The following ZNF641 variants were observed in gnomAD, a reference collection of about 807,000 sequenced individuals.
ZNF641 encodes the protein zinc finger protein 641.
Under a neutral mutation model 46.2 loss-of-function variants are expected in ZNF641, and 26 were observed. The ratio of observed to expected loss-of-function variants is 0.56; its 90% CI spans 0.41 to 0.78. The LOEUF (loss-of-function observed/expected upper bound fraction) is 0.78, where lower values mean the gene tolerates loss of function less well. Among genes scored for constraint, ZNF641 ranks in the 30% least tolerant of loss-of-function variants. The probability of loss-of-function intolerance (pLI) is 0.00; values close to 1 mark genes in which losing one functional copy is unlikely to be tolerated. For synonymous variants in ZNF641, 163 were observed against 187.9 expected (o/e 0.87, Z 1.09); for missense variants, 469 against 517.8 (o/e 0.91, Z 0.91).
Position 48,348,265 on chromosome 12 carries a change from G to C in ZNF641, c.-25-150C>G. 8.8e-6 allele frequency: 7 copies of C among 792,714 alleles called. No individual in the cohort carries two copies. The South Asian group carries it at 1.3e-4, about 14-fold the overall frequency. The allele number at this position is 792,714 out of a possible 1,614,324, so 49.1% of individuals were successfully genotyped here. A position where few individuals can be genotyped will look rare whatever the true frequency, so the allele number is the denominator to read the frequency against. On this transcript the variant is annotated intron_variant, in intron 1 of 5. Transcript: ENST00000547026. ...GAACTTTAAAAGCTTGATGTGTTCC[G>C]ATCAACGGAGCCTGCACCAAGCTTC...
rs1445303908 is a variant in ZNF641 at position 48,343,376 on chromosome 12, T to C, written c.872A>G (p.His291Arg). The change falls in exon 6 of 6, where the codon CAT becomes CGT. Residue 291 changes from histidine (H) to arginine (R), a missense_variant. By Grantham distance (29) the His-to-Arg change is conservative (BLOSUM62 0). This residue lies in a region of ZNF641 where 346 missense variants were observed against 354.0 expected (regional missense o/e 0.98). Transcript: ENST00000547026. ...LKCEKTFGRR[H>R]HLIRHQKTHL... ...GGTTTTCTGGTGCCTGATGAGGTGA[T>C]GTCTTCGCCCAAAGGTCTTCTCACA... The C allele has an allele frequency of 6.2e-7, 1 of 1,614,096 alleles. No individual in the cohort carries two copies. Among genetic ancestry groups the C allele is most frequent in the African/African-American group, 1.3e-5 (1 of 74,940 alleles).
intron 1 of ZNF641, among the ~76,000 whole-genome samples, chr12:48,348,972 G>A (rs148388601): frequency 3.3e-5 from 5 of 152,314 alleles, no homozygotes; most frequent in South Asian, 4.1e-4. Context: ...TGAAAGAAGC[G>A]TATGGTGAAG....
At position 48,338,660 on chromosome 12, in the gene ZNF641, T is replaced by A. The variant is rs1315489253; in HGVS notation, c.*4313A>T. The A allele has an allele frequency of 6.6e-6, 1 of 152,258 alleles. No homozygotes were observed. Among genetic ancestry groups the A allele is most frequent in the Non-Finnish European group, 1.5e-5 (1 of 68,074 alleles). The allele number at this position is 152,258 out of a possible 1,614,324, so 9.4% of individuals were successfully genotyped here. A position where few individuals can be genotyped will look rare whatever the true frequency, so the allele number is the denominator to read the frequency against. On this transcript the variant is annotated 3_prime_UTR_variant, in exon 6 of 6. Transcript: ENST00000547026. ...CACCATGGCTTCATTGGTTACAACC[T>A]CTACCTAGTAAGCAGAGTCTGGATT...
At chr12:48,345,020 C>G (rs1195710579) in intron 4 of ZNF641, among the ~76,000 whole-genome samples, 1 of 152,144 alleles carries the variant, frequency 6.6e-6, no homozygotes, top group African/African-American at 2.4e-5. Flanking sequence ...CCCTGCATCC[C>G]TATCTTCCTC....
chr12:48,343,128 C>T lies in ZNF641; in HGVS notation c.1120G>A (p.Val374Met). 6.2e-7 allele frequency: 1 copy of T among 1,614,238 alleles called. No individual in the cohort carries two copies. Among genetic ancestry groups the T allele is most frequent in the Non-Finnish European group, 8.5e-7 (1 of 1,180,042 alleles). ...CCAGTGTGGGTCAGCCAGTGTCTCA[C>T]AAGGTGGTGCCTTCGGCCAAAGCTC... ...GKSFGRRHHL[V>M]RHWLTHTGEK... The change falls in exon 6 of 6, where the codon GTG becomes ATG. Residue 374 changes from valine (V) to methionine (M), a missense_variant. Coordinates refer to ENST00000547026, the MANE Select transcript of ZNF641 (RefSeq NM_001172681.2).
intron 3 of ZNF641, among the ~76,000 whole-genome samples, chr12:48,346,201 G>A (rs1373315791): frequency 6.6e-6 from 1 of 152,060 alleles, no homozygotes; most frequent in Admixed American, 6.6e-5. Flanking sequence ...ACCGTGCCTG[G>A]CCATATCTTT....
rs1273171803 is a variant in ZNF641 at position 48,339,036 on chromosome 12, C to T, written c.*3937G>A. Reference sequence around the variant, plus strand: ...TTTGAGTTGTTTATTCCTTTCTGTCCTTTCAGATTTCTGGACCCAAGTATC... The same window carrying T: ...TTTGAGTTGTTTATTCCTTTCTGTCTTTTCAGATTTCTGGACCCAAGTATC... On this transcript the variant is annotated 3_prime_UTR_variant, in exon 6 of 6. Transcript: ENST00000547026. The T allele has an allele frequency of 6.6e-6, 1 of 152,184 alleles. No homozygotes were observed. Among genetic ancestry groups the T allele is most frequent in the Non-Finnish European group, 1.5e-5 (1 of 68,056 alleles). 9.4% of individuals were successfully genotyped at this position (152,184 alleles called of 1,614,324 possible). A position where few individuals can be genotyped will look rare whatever the true frequency, so the allele number is the denominator to read the frequency against.
At chr12:48,346,706 C>T (rs1391974007) in intron 3 of ZNF641, among the ~76,000 whole-genome samples, 1 of 152,088 alleles carries the variant, frequency 6.6e-6, no homozygotes, top group Non-Finnish European at 1.5e-5. Context: ...CAAACACAGC[C>T]ATCCATTAAA....
At position 48,345,910 on chromosome 12, in the gene ZNF641, A is replaced by ATT. The variant is rs11374696; in HGVS notation, c.277-438_277-437dup. ...TCTTTCTTGCCTCCCTTGCCACAGC[A>ATT]TTTTTTTTTTTTTGAGACGGAGTCT... On this transcript the variant is annotated intron_variant, in intron 3 of 5. Coordinates refer to ENST00000547026, the MANE Select transcript of ZNF641 (RefSeq NM_001172681.2). Among the ~76,000 whole-genome samples the ATT allele has an allele frequency of 2.4e-3, 358 of 146,502 alleles. 1 individual carries two copies. The highest frequency in any genetic ancestry group is 0.011 in the East Asian group (53 of 5,008).
chr12:48,342,272 G>T lies in ZNF641; in HGVS notation c.*701C>A. On this transcript the variant is annotated 3_prime_UTR_variant, in exon 6 of 6. Coordinates refer to ENST00000547026, the MANE Select transcript of ZNF641 (RefSeq NM_001172681.2). ...AAAGGTTATTTTTTCAGCAGGTGAG[G>T]GTGAGAGGTGATGTATATACTGCTG... The T allele has an allele frequency of 5.1e-6, 5 of 985,408 alleles. No homozygotes were observed. The highest frequency in any genetic ancestry group is 4.8e-6 in the Non-Finnish European group (4 of 829,976). 61.0% of individuals were successfully genotyped at this position (985,408 alleles called of 1,614,324 possible).
Position 48,340,163 on chromosome 12 carries a change from A to T in ZNF641, c.*2810T>A. 7.1e-6 allele frequency: 7 copies of T among 985,394 alleles called. No homozygotes were observed. The highest frequency in any genetic ancestry group is 8.4e-6 in the Non-Finnish European group (7 of 829,928). The allele number at this position is 985,394 out of a possible 1,614,324, so 61.0% of individuals were successfully genotyped here. A position where few individuals can be genotyped will look rare whatever the true frequency, so the allele number is the denominator to read the frequency against. The stretch of plus-strand genomic sequence containing the variant: ...GCTTGTTTTATTTTTTGTCCAAGAG[A>T]GGTGGTGTTGGACCGAGGTAGAGAA... On this transcript the variant is annotated 3_prime_UTR_variant, in exon 6 of 6. Coordinates refer to ENST00000547026, the MANE Select transcript of ZNF641 (RefSeq NM_001172681.2).
At position 48,339,566 on chromosome 12, in the gene ZNF641, C is replaced by G. The variant is rs945135923; in HGVS notation, c.*3407G>C. On this transcript the variant is annotated 3_prime_UTR_variant, in exon 6 of 6. Coordinates refer to ENST00000547026, the MANE Select transcript of ZNF641 (RefSeq NM_001172681.2). ...TTGCTAGCTCAGGCTCTCTAAGGAT[C>G]TAAAGGAATGGATTTCACTTTTCTG... 6.6e-6 allele frequency: 1 copy of G among 152,122 alleles called. No individual in the cohort carries two copies. 9.4% of individuals were successfully genotyped at this position (152,122 alleles called of 1,614,324 possible). A position where few individuals can be genotyped will look rare whatever the true frequency, so the allele number is the denominator to read the frequency against.
chr12:48,335,307 A>G (rs1952596576), downstream of ZNF641, among the ~76,000 whole-genome samples: 1 of 152,202 alleles, frequency 6.6e-6, no homozygotes, highest in Non-Finnish European at 1.5e-5. Context: ...TCATGGGACA[A>G]GAACTCAGAC....
chr12:48,338,436 A>AT lies in ZNF641; in HGVS notation c.*4536_*4537insA. 6.6e-6 allele frequency: 1 copy of AT among 152,392 alleles called. No individual in the cohort carries two copies. Among genetic ancestry groups the AT allele is most frequent in the Non-Finnish European group, 1.5e-5 (1 of 68,100 alleles). 9.4% of individuals were successfully genotyped at this position (152,392 alleles called of 1,614,324 possible). On this transcript the variant is annotated 3_prime_UTR_variant, in exon 6 of 6. Coordinates refer to ENST00000547026, the MANE Select transcript of ZNF641 (RefSeq NM_001172681.2). ...GACAGCATGAGGCCTGGAGTTGAAG[A>AT]AAGTCTCAGCCTTGGGGTCTAATCT...
At position 48,338,972 on chromosome 12, in the gene ZNF641, C is replaced by T. The variant is rs896080947; in HGVS notation, c.*4001G>A. On this transcript the variant is annotated 3_prime_UTR_variant, in exon 6 of 6. Coordinates refer to ENST00000547026, the MANE Select transcript of ZNF641 (RefSeq NM_001172681.2). Reference sequence around the variant, plus strand: ...ACAAGGCAAAGGAGAATCATTTCCTCGGATGTCAGTTTTTCAGTTTTACAT... The same window carrying T: ...ACAAGGCAAAGGAGAATCATTTCCTTGGATGTCAGTTTTTCAGTTTTACAT... 3 of 152,222 alleles carry T rather than the reference C, an allele frequency of 2.0e-5. No individual in the cohort carries two copies. The highest frequency in any genetic ancestry group is 1.9e-4 in the East Asian group (1 of 5,194). 9.4% of individuals were successfully genotyped at this position (152,222 alleles called of 1,614,324 possible). A position where few individuals can be genotyped will look rare whatever the true frequency, so the allele number is the denominator to read the frequency against.
In ZNF641 at chr12:48,340,678, G is replaced by A; in HGVS notation, c.*2295C>T. The A allele has an allele frequency of 3.0e-6, 3 of 985,462 alleles. No homozygotes were observed. Among genetic ancestry groups the A allele is most frequent in the Non-Finnish European group, 3.6e-6 (3 of 829,940 alleles). 61.0% of individuals were successfully genotyped at this position (985,462 alleles called of 1,614,324 possible). A position where few individuals can be genotyped will look rare whatever the true frequency, so the allele number is the denominator to read the frequency against. ...CAGATGGGCTTTGAACCTGCTAAATGTGTATGGAAAACTGAGTGAATTACA... is the reference window on the plus strand; with the variant it reads ...CAGATGGGCTTTGAACCTGCTAAATATGTATGGAAAACTGAGTGAATTACA... On this transcript the variant is annotated 3_prime_UTR_variant, in exon 6 of 6. Transcript: ENST00000547026.
At position 48,342,989 on chromosome 12, in the gene ZNF641, C is replaced by T. The variant is rs757253437; in HGVS notation, c.1259G>A (p.Gly420Glu). ...GQSPRNSWDR[G>E]TSVF ...AAACAGATTTCAAAAGACAGATGTT[C>T]CTCTGTCCCAGCTGTTCCGGGGACT... The change falls in exon 6 of 6, where the codon GGA (glycine) becomes GAA (glutamate). Residue 420 changes from glycine to glutamate, a missense_variant. Transcript: ENST00000547026. The T allele has an allele frequency of 1.2e-6, 2 of 1,612,504 alleles. No individual in the cohort carries two copies. Among genetic ancestry groups the T allele is most frequent in the South Asian group, 2.2e-5 (2 of 90,822 alleles).
Position 48,343,174 on chromosome 12 carries a change from G to T in ZNF641, c.1074C>A (p.His358Gln), listed in dbSNP as rs758519757. Residue 358 changes from histidine to glutamine, a missense_variant, in exon 6 of 6, where the codon CAC (histidine) becomes CAA (glutamine). This residue lies in a region of ZNF641 where 346 missense variants were observed against 354.0 expected (regional missense o/e 0.98). Coordinates refer to ENST00000547026, the MANE Select transcript of ZNF641 (RefSeq NM_001172681.2). Reference protein sequence around the residue: ...RQRAPPVPKCHVCTECGKSFG... With the variant: ...RQRAPPVPKCQVCTECGKSFG... ...AGCTCTTCCCACATTCAGTGCACAC[G>T]TGACACTTTGGCACTGGTGGGGCAC... 1.9e-6 allele frequency: 3 copies of T among 1,614,212 alleles called. No individual in the cohort carries two copies. Among genetic ancestry groups the T allele is most frequent in the Non-Finnish European group, 2.5e-6 (3 of 1,180,010 alleles).
At chr12:48,344,526 G>T in intron 5 of ZNF641, 73 bp downstream of exon 5, 2 of 981,164 alleles carry the variant, frequency 2.0e-6, no homozygotes, top group Non-Finnish European at 3.1e-6. Context: ...GCAGAGGAGG[G>T]ATTAAACGAA....
Sources: gnomAD v4.1 joint callset for allele counts (sites outside exome capture counted in the v4.1 genomes callset) on GRCh38, gnomAD v4.1.1 for gene constraint, gnomAD v4.1.1 regional missense constraint, MANE v1.5 for transcripts, NCBI Gene and HGNC (gene_info 2026-07-23, HGNC 2026-07-21) for gene names.